Variants in PRKCA observed in about 807,000 individuals in gnomAD.
The protein encoded by PRKCA is protein kinase C alpha type.
In PRKCA, 27 loss-of-function variants were observed where a neutral mutation model predicts 87.0. The ratio of observed to expected loss-of-function variants is 0.31; its 90% confidence interval spans 0.23 to 0.43. The LOEUF (loss-of-function observed/expected upper bound fraction) is 0.43. Ranked by LOEUF, PRKCA falls within the 20% of genes least tolerant of loss-of-function variation. The pLI, the probability that PRKCA is intolerant of heterozygous loss-of-function variation, is 1.00. For synonymous variants in PRKCA, 329 were observed against 311.1 expected, an observed-to-expected ratio of 1.06 and a Z score of -0.61; for missense variants, 518 against 852.3, an observed-to-expected ratio of 0.61 and a Z score of 4.88.
At chr17:66,514,852 C>T (rs777046747) in intron 3 of PRKCA, among the ~76,000 whole-genome samples, 5 of 152,110 alleles carry the variant, frequency 3.3e-5, no homozygotes, top group Non-Finnish European at 5.9e-5. Flanking sequence ...TATCATGTAG[C>T]CACTCCGATT....
At chr17:66,632,993 T>C (rs1354716510) in intron 3 of PRKCA, among the ~76,000 whole-genome samples, 2 of 152,204 alleles carry the variant, frequency 1.3e-5, no homozygotes, top group Non-Finnish European at 2.9e-5. Context: ...ACTGAAGTGT[T>C]ACATTGCAGA....
chr17:66,324,815 G>C (rs1236111381), intron 2 of PRKCA, among the ~76,000 whole-genome samples: 1 of 152,174 alleles, frequency 6.6e-6, no homozygotes, highest in East Asian at 1.9e-4. Context: ...TACTATGGCA[G>C]ATAACACTCA....
intron 5 of PRKCA, among the ~76,000 whole-genome samples, chr17:66,683,760 C>T (rs918130653): frequency 2.6e-5 from 4 of 152,038 alleles, no homozygotes; most frequent in Admixed American, 2.0e-4. Context: ...CCAGCACGCC[C>T]GGCTTCTTTT....
Position 66,545,263 on chromosome 17 carries a change from C to T in PRKCA, c.288+48980C>T, listed in dbSNP as rs1435308323. 5.9e-5 allele frequency among the ~76,000 whole-genome samples: 9 copies of T among 152,030 alleles called. 1 individual carries two copies. In the South Asian group the frequency reaches 1.0e-3, roughly 18 times the overall value. ...CTAACACGGTGAAACCCCGCCTCTACTAAAAAATACAAAAAATTAGCCAGG... is the reference window on the plus strand; with the variant it reads ...CTAACACGGTGAAACCCCGCCTCTATTAAAAAATACAAAAAATTAGCCAGG... On this transcript the variant is annotated intron_variant, in intron 3 of 16. Transcript: ENST00000413366.
intron 3 of PRKCA, among the ~76,000 whole-genome samples, chr17:66,563,967 C>CTTCG (rs1221589497): frequency 1.3e-5 from 1 of 74,394 alleles, no homozygotes; most frequent in East Asian, 3.6e-4. Flanking sequence ...TCCTTCCTTC[C>CTTCG]TTCCTTCCTT....
At chr17:66,586,932 C>T (rs913143442) in intron 3 of PRKCA, among the ~76,000 whole-genome samples, 10 of 152,148 alleles carry the variant, frequency 6.6e-5, no homozygotes, top group Admixed American at 1.3e-4. Context: ...GGCTGTGGAG[C>T]AAAGGCAGAG....
chr17:66,311,950 A>T (rs1025598208), intron 2 of PRKCA, among the ~76,000 whole-genome samples: 1 of 152,146 alleles, frequency 6.6e-6, no homozygotes, highest in African/African-American at 2.4e-5. Context: ...ACTTTTGCAG[A>T]TAAATCTGAT....
chr17:66,421,771 G>A (rs1912511588), intron 2 of PRKCA, among the ~76,000 whole-genome samples: 1 of 149,618 alleles, frequency 6.7e-6, no homozygotes, highest in Admixed American at 6.7e-5. Flanking sequence ...TCCAACTCCT[G>A]GCCTCAAGTG....
intron 2 of PRKCA, among the ~76,000 whole-genome samples, chr17:66,370,228 C>CTTTTTT (rs35851942): frequency 1.1e-4 from 12 of 112,246 alleles, no homozygotes; most frequent in African/African-American, 2.5e-4. Flanking sequence ...TATTTTGATA[C>CTTTTTT]TTTTTTTTTT....
At chr17:66,766,203 A>G (rs28503613) in intron 13 of PRKCA, among the ~76,000 whole-genome samples, 13,603 of 152,198 alleles carry the variant, frequency 0.089, 928 homozygotes, top group East Asian at 0.2. Flanking sequence ...AGAGCGTGTT[A>G]TCAGAAGGAG....
rs542161503 is a variant in PRKCA at position 66,424,527 on chromosome 17, A to G, written c.206-71674A>G. On this transcript the variant is annotated intron_variant, in intron 2 of 16. Transcript: ENST00000413366. ...GATTGCACTGACCTGAGATGGCACC[A>G]CTGCACTATAGCCGAGGCAGCAGAG... Among the ~76,000 whole-genome samples, 144 of 149,438 alleles carry G rather than the reference A, an allele frequency of 9.6e-4. No individual in the cohort carries two copies. The Middle Eastern group carries it at 0.017, about 18-fold the overall frequency.
chr17:66,498,784 A>G lies in PRKCA; in HGVS notation c.288+2501A>G, dbSNP rs148924108. ...CGTGCGTACGCGCATGTGTGCACACATGCATGCTGGGCTGTATGGGGCCCT... is the reference window on the plus strand; with the variant it reads ...CGTGCGTACGCGCATGTGTGCACACGTGCATGCTGGGCTGTATGGGGCCCT... On this transcript the variant is annotated intron_variant, in intron 3 of 16. Transcript: ENST00000413366. Among the ~76,000 whole-genome samples the G allele has an allele frequency of 9.0e-3, 1,371 of 152,358 alleles. 17 individuals are homozygous for G. The highest frequency in any genetic ancestry group is 0.044 in the Middle Eastern group (13 of 294).
At chr17:66,486,358 T>C (rs1915988996) in intron 2 of PRKCA, among the ~76,000 whole-genome samples, 1 of 152,196 alleles carries the variant, frequency 6.6e-6, no homozygotes, top group Admixed American at 6.5e-5. Flanking sequence ...AAGGAGACTG[T>C]TTATCTGTTG....
At chr17:66,460,522 C>T (rs547117010) in intron 2 of PRKCA, among the ~76,000 whole-genome samples, 8 of 152,182 alleles carry the variant, frequency 5.3e-5, no homozygotes, top group East Asian at 3.9e-4. Flanking sequence ...TTATTTTTTC[C>T]GAATTGCAGC....
At chr17:66,757,533 G>A (rs1167643056) in intron 13 of PRKCA, among the ~76,000 whole-genome samples, 10 of 145,750 alleles carry the variant, frequency 6.9e-5, no homozygotes, top group African/African-American at 5.1e-5. Flanking sequence ...CTAAAGAAGG[G>A]CAAAGACAGT....
chr17:66,368,766 G>A (rs997211313), intron 2 of PRKCA, among the ~76,000 whole-genome samples: 6 of 152,122 alleles, frequency 3.9e-5, no homozygotes, highest in Non-Finnish European at 7.4e-5. Flanking sequence ...GAAGATAGAT[G>A]TGGACACAAT....
At chr17:66,386,355 A>T (rs1229370916) in intron 2 of PRKCA, among the ~76,000 whole-genome samples, 1 of 152,194 alleles carries the variant, frequency 6.6e-6, no homozygotes, top group Non-Finnish European at 1.5e-5. Context: ...TAAGTAAAAA[A>T]CATGCCGTGT....
intron 8 of PRKCA, among the ~76,000 whole-genome samples, chr17:66,729,931 T>C (rs9891104): frequency 0.67 from 101,709 of 151,860 alleles, 34,144 homozygotes; most frequent in East Asian, 0.71. Context: ...GCTGGGATTA[T>C]AGGCATGTGC....
intron 14 of PRKCA, chr17:66,775,396 T>C (rs537055602): frequency 1.0e-6 from 1 of 984,154 alleles, no homozygotes; most frequent in Non-Finnish European, 1.2e-6. Context: ...CACTTCTGCC[T>C]AGGTTCCACT....
Sources: gnomAD v4.1 joint callset for allele counts (sites outside exome capture counted in the v4.1 genomes callset) on GRCh38, gnomAD v4.1.1 for gene constraint, MANE v1.5 for transcripts, NCBI Gene and HGNC (gene_info 2026-07-23, HGNC 2026-07-21) for gene names.